CTIF: variants seen among roughly 807,000 people sequenced by gnomAD.
CTIF encodes CBP80/20-dependent translation initiation factor.
In CTIF, 21 loss-of-function variants were observed where a neutral mutation model predicts 66.0. The observed-to-expected ratio is 0.32, with a 90% CI of 0.23 to 0.46. The LOEUF (loss-of-function observed/expected upper bound fraction) is 0.46. CTIF is among the 20% of genes least tolerant of loss of function. The probability of loss-of-function intolerance (pLI) is 1.00; values close to 1 mark genes in which losing one functional copy is unlikely to be tolerated. For missense variants in CTIF, 739 were observed against 812.7 expected, an observed-to-expected ratio of 0.91 and a Z score of 1.10; for synonymous variants, 345 against 326.4, an observed-to-expected ratio of 1.06 and a Z score of -0.62.
chr18:48,756,430 A>C (rs1488404069), intron 7 of CTIF: 2 of 152,250 alleles, frequency 1.3e-5, no homozygotes, highest in Non-Finnish European at 2.9e-5. Flanking sequence ...AAATATTAAA[A>C]TTGAATTTAT....
chr18:48,581,785 T>A (rs551641247), intron 1 of CTIF, among the ~76,000 whole-genome samples: 1 of 152,264 alleles, frequency 6.6e-6, no homozygotes, highest in African/African-American at 2.4e-5. Context: ...GGTGTTATTA[T>A]CGGTCATAGC....
At chr18:48,604,943 C>T (rs1392123429) in intron 1 of CTIF, among the ~76,000 whole-genome samples, 2 of 152,166 alleles carry the variant, frequency 1.3e-5, no homozygotes, top group African/African-American at 2.4e-5. Flanking sequence ...CATGTGGTAG[C>T]GTGGATCAGT....
intron 1 of CTIF, among the ~76,000 whole-genome samples, chr18:48,580,941 C>G (rs1057160994): frequency 6.6e-6 from 1 of 152,364 alleles, no homozygotes; most frequent in East Asian, 1.9e-4. Context: ...GGCATCGCGG[C>G]CCCACCCAGC....
At chr18:48,636,417 C>A (rs751289970) in intron 2 of CTIF, among the ~76,000 whole-genome samples, 197 bp from the exon 3 acceptor site, 5 of 152,206 alleles carry the variant, frequency 3.3e-5, no homozygotes, top group Non-Finnish European at 7.3e-5. Flanking sequence ...CAAGCGGACA[C>A]CAAAGCTTCA....
At chr18:48,620,676 G>A (rs1195385946) in intron 2 of CTIF, among the ~76,000 whole-genome samples, 3 of 152,218 alleles carry the variant, frequency 2.0e-5, no homozygotes, top group African/African-American at 4.8e-5. Context: ...AGAGTCCCCT[G>A]TCTTATCTGG....
intron 3 of CTIF, among the ~76,000 whole-genome samples, chr18:48,637,261 G>T (rs898055868): frequency 2.0e-5 from 3 of 152,188 alleles, no homozygotes; most frequent in African/African-American, 7.2e-5. Context: ...GTCCTGAGAG[G>T]CTTGTGGGTG....
chr18:48,651,758 C>A (rs546412421), intron 3 of CTIF, among the ~76,000 whole-genome samples: 1 of 152,230 alleles, frequency 6.6e-6, no homozygotes, highest in Non-Finnish European at 1.5e-5. Flanking sequence ...GAAATCACAA[C>A]AAACTGTCTC....
chr18:48,613,525 G>C (rs1488874793), intron 1 of CTIF, among the ~76,000 whole-genome samples: 1 of 152,184 alleles, frequency 6.6e-6, no homozygotes, highest in Non-Finnish European at 1.5e-5. Context: ...AGTGTGGAGA[G>C]AGGCACCTTT....
chr18:48,564,885 G>T (rs2143531947), intron 1 of CTIF: 1 of 152,162 alleles, frequency 6.6e-6, no homozygotes, highest in South Asian at 2.1e-4. Context: ...TCCCAAAGTG[G>T]TGGGATTACA....
At chr18:48,685,789 G>A (rs1030903572) in intron 6 of CTIF, among the ~76,000 whole-genome samples, 6 of 151,934 alleles carry the variant, frequency 3.9e-5, no homozygotes, top group Non-Finnish European at 8.8e-5. Flanking sequence ...TGATTCTCCT[G>A]CCTCAGCCTC....
intron 2 of CTIF, among the ~76,000 whole-genome samples, chr18:48,632,212 C>T (rs189781824): frequency 2.6e-5 from 4 of 152,166 alleles, no homozygotes; most frequent in African/African-American, 9.7e-5. Context: ...GGACAGGTTG[C>T]CTCTGGGGCT....
chr18:48,619,154 C>T (rs1482924350), intron 1 of CTIF, among the ~76,000 whole-genome samples: 1 of 152,234 alleles, frequency 6.6e-6, no homozygotes, highest in Non-Finnish European at 1.5e-5. Context: ...TTGTTTATTT[C>T]ATCCTGCTTT....
At chr18:48,670,142 G>A (rs2091505136) in intron 5 of CTIF, among the ~76,000 whole-genome samples, 1 of 152,080 alleles carries the variant, frequency 6.6e-6, no homozygotes, top group Non-Finnish European at 1.5e-5. Flanking sequence ...TGGCCAGGGA[G>A]TTGGGGCCAG....
At chr18:48,656,367 C>G (rs1568109409) in intron 3 of CTIF, among the ~76,000 whole-genome samples, 1 of 152,174 alleles carries the variant, frequency 6.6e-6, no homozygotes, top group African/African-American at 2.4e-5. Context: ...CTCAGTCTCC[C>G]CATCAGTAAA....
chr18:48,857,027 T>G (rs1231345500), intron 10 of CTIF, among the ~76,000 whole-genome samples: 3 of 152,164 alleles, frequency 2.0e-5, no homozygotes, highest in African/African-American at 7.2e-5. Flanking sequence ...ATGGCCCTAG[T>G]TAGGAAACAG....
intron 3 of CTIF, among the ~76,000 whole-genome samples, chr18:48,657,036 C>T (rs1332439695): frequency 6.6e-6 from 1 of 152,134 alleles, no homozygotes; most frequent in Non-Finnish European, 1.5e-5. Context: ...CAGGAAGATA[C>T]AACAAGGAAG....
intron 1 of CTIF, among the ~76,000 whole-genome samples, chr18:48,547,645 C>T (rs1207071688): frequency 6.6e-6 from 1 of 152,196 alleles, no homozygotes; most frequent in Non-Finnish European, 1.5e-5. Context: ...ACCCATGGCC[C>T]CTGCAGCTGT....
chr18:48,729,736 C>A (rs2092420349), intron 7 of CTIF, among the ~76,000 whole-genome samples: 1 of 152,158 alleles, frequency 6.6e-6, no homozygotes, highest in African/African-American at 2.4e-5. Flanking sequence ...GAGTTGTCTT[C>A]CTGTCTGGGG....
intron 2 of CTIF, chr18:48,625,174 T>C: frequency 1.0e-6 from 1 of 981,848 alleles, no homozygotes. Context: ...TTTTTCCTGA[T>C]GTCTTTGCTC....
Sources: gnomAD v4.1 joint callset for allele counts (sites outside exome capture counted in the v4.1 genomes callset) on GRCh38, gnomAD v4.1.1 for gene constraint, MANE v1.5 for transcripts, NCBI Gene and HGNC (gene_info 2026-07-23, HGNC 2026-07-21) for gene names.